Variants in COX11 observed in about 807,000 individuals in gnomAD.
COX11 encodes cytochrome c oxidase assembly protein COX11, mitochondrial.
COX11 carries 18 observed loss-of-function variants against 29.4 expected under a neutral mutation model. The observed-to-expected ratio is 0.61, with a 90% confidence interval of 0.42 to 0.91. The LOEUF (loss-of-function observed/expected upper bound fraction) is 0.91, where lower values mean the gene tolerates loss of function less well. COX11 is among the 40% of genes least tolerant of loss of function. The pLI, the probability that COX11 is intolerant of heterozygous loss-of-function variation, is 0.00. For missense variants in COX11, 312 were observed against 346.0 expected, an observed-to-expected ratio of 0.90 and a Z score of 0.78; for synonymous variants, 131 against 124.0, an observed-to-expected ratio of 1.06 and a Z score of -0.38.
downstream of COX11, among the ~76,000 whole-genome samples, chr17:54,960,321 C>T (rs2077085486): frequency 6.6e-6 from 1 of 152,014 alleles, no homozygotes; most frequent in South Asian, 2.1e-4. Flanking sequence ...GCCAAGAAAG[C>T]ACCATTGCAC....
intron 1 of COX11, among the ~76,000 whole-genome samples, chr17:54,965,780 G>A (rs1043316086): frequency 6.7e-5 from 10 of 150,320 alleles, no homozygotes; most frequent in Admixed American, 1.3e-4. Flanking sequence ...GCAGTGAGCC[G>A]AGATCACACC....
At chr17:54,963,552 G>A in intron 2 of COX11, 121 bp from the exon 3 acceptor site, 11 of 933,230 alleles carry the variant, frequency 1.2e-5, no homozygotes, top group South Asian at 9.1e-5. Context: ...TCTAATGTAG[G>A]GTTCAGCAAA....
intron 3 of COX11, 184 bp downstream of exon 3, chr17:54,963,122 G>T: frequency 2.5e-6 from 2 of 785,948 alleles, no homozygotes; most frequent in Non-Finnish European, 4.0e-6. Context: ...AATCTTAAAA[G>T]CAGATATCCA....
intron 1 of COX11, 77 bp from the exon 2 acceptor site, chr17:54,964,929 C>T (rs1469064925): frequency 7.0e-7 from 1 of 1,418,536 alleles, no homozygotes; most frequent in South Asian, 1.2e-5. Context: ...AGTTTAAAAA[C>T]AATGTAGTAT....
At chr17:54,959,703 C>T (rs1051522541), downstream of COX11, among the ~76,000 whole-genome samples, 7 of 151,140 alleles carry the variant, frequency 4.6e-5, no homozygotes, top group Admixed American at 1.3e-4. Flanking sequence ...CTGCAATCTC[C>T]GCCTCCTAGG....
chr17:54,956,800 CAT>C (rs1175700521), downstream of COX11: 2 of 152,066 alleles, frequency 1.3e-5, no homozygotes, highest in Admixed American at 6.6e-5. Flanking sequence ...AAGCACCGGG[CAT>C]AGTCTCCAAA....
chr17:54,953,781 T>C (rs1036109627), exon 1 of COX11: 7 of 152,128 alleles, frequency 4.6e-5, no homozygotes, highest in African/African-American at 1.7e-4. Flanking sequence ...TGTCTACCAG[T>C]TGGAAAGGGG....
At chr17:54,964,256 C>A (rs2077181608) in intron 2 of COX11, among the ~76,000 whole-genome samples, 1 of 152,032 alleles carries the variant, frequency 6.6e-6, no homozygotes. Context: ...ATTTCAAAGG[C>A]CCTCAATTTG....
rs2077149470 is a variant in COX11 at position 54,962,627 on chromosome 17, T to G, written c.*106A>C. 1 of 1,405,288 alleles carries G rather than the reference T, an allele frequency of 7.1e-7. No individual in the cohort carries two copies. Among genetic ancestry groups the G allele is most frequent in the African/African-American group, 1.5e-5 (1 of 67,228 alleles). 87.1% of individuals were successfully genotyped at this position (1,405,288 alleles called of 1,614,324 possible). ...AATTAGTTGAGAAAAAATAATTATT[T>G]AAAATATAAGCCTTCATATTATTGT... On this transcript the variant is annotated 3_prime_UTR_variant, in exon 4 of 4. Coordinates refer to ENST00000299335, the MANE Select transcript of COX11 (RefSeq NM_004375.5).
exon 1 of COX11, chr17:54,954,188 G>T (rs1256723580): frequency 1.3e-5 from 2 of 152,224 alleles, no homozygotes; most frequent in African/African-American, 4.8e-5. Flanking sequence ...CATGGTGGCA[G>T]ATTTATCTTC....
chr17:54,952,249 CAGAATT>C (rs1339853147), exon 1 of COX11: 2 of 152,058 alleles, frequency 1.3e-5, no homozygotes, highest in East Asian at 3.9e-4. Context: ...ACTTCTCAAA[CAGAATT>C]AGAAGTATGG....
intron 2 of COX11, among the ~76,000 whole-genome samples, 169 bp from the exon 3 acceptor site, chr17:54,963,600 TA>T (rs2077169127): frequency 6.6e-6 from 1 of 152,088 alleles, no homozygotes; most frequent in Non-Finnish European, 1.5e-5. Flanking sequence ...TATCTGAGTT[TA>T]AAAACTTACT....
upstream of COX11, chr17:54,968,712 C>A (rs1379082568): frequency 4.6e-5 from 71 of 1,531,096 alleles, no homozygotes; most frequent in Non-Finnish European, 6.1e-5. Context: ...AGGCGTGCTC[C>A]GTCTCGCGAG....
At chr17:54,953,972 A>G (rs993455942) in exon 1 of COX11, 12 of 152,064 alleles carry the variant, frequency 7.9e-5, no homozygotes, top group South Asian at 2.1e-4. Context: ...GCCTTGTTCT[A>G]TTTCTCTGAG....
rs2077164862 is a variant in COX11 at position 54,963,380 on chromosome 17, CAGT to C, written c.571_573del (p.Thr191del). The C allele has an allele frequency of 3.1e-6, 5 of 1,612,284 alleles. No individual in the cohort carries two copies. Among genetic ancestry groups the C allele is most frequent in the African/African-American group, 2.7e-5 (2 of 74,848 alleles). ...GTAGAAATTCCAATTACTGGTTTGT[CAGT>C]AGGATTCTTAGCTCTGTAAAACGCC... On this transcript the variant is annotated inframe_deletion, in exon 3 of 4. Transcript: ENST00000299335.
Position 54,961,517 on chromosome 17 carries a change from A to G in COX11, c.*1216T>C. 1.4e-6 allele frequency: 2 copies of G among 1,409,810 alleles called. No homozygotes were observed. Among genetic ancestry groups the G allele is most frequent in the Non-Finnish European group, 1.8e-6 (2 of 1,085,922 alleles). 87.3% of individuals were successfully genotyped at this position (1,409,810 alleles called of 1,614,324 possible). On this transcript the variant is annotated 3_prime_UTR_variant, in exon 4 of 4. Coordinates refer to ENST00000299335, the MANE Select transcript of COX11 (RefSeq NM_004375.5). Reference sequence around the variant, plus strand: ...TCCTTAGGCCAACCAATTTAACTGCAGTGTCATGTTTCACAGGCCTTCCTA... The same window carrying G: ...TCCTTAGGCCAACCAATTTAACTGCGGTGTCATGTTTCACAGGCCTTCCTA...
chr17:54,968,143 G>A, intron 1 of COX11, 138 bp downstream of exon 1: 8 of 1,362,644 alleles, frequency 5.9e-6, no homozygotes, highest in Admixed American at 2.4e-5. Flanking sequence ...TGACTGTTTT[G>A]AACCTCTCTC....
intron 2 of COX11, 97 bp from the exon 3 acceptor site, chr17:54,963,528 A>G: frequency 8.7e-7 from 1 of 1,147,574 alleles, no homozygotes; most frequent in Non-Finnish European, 1.2e-6. Context: ...TATTCATCAG[A>G]CCATAATACC....
downstream of COX11, among the ~76,000 whole-genome samples, chr17:54,959,724 C>A (rs1449668448): frequency 2.0e-5 from 3 of 151,130 alleles, no homozygotes; most frequent in Non-Finnish European, 4.4e-5. Context: ...CTCCAGTGAT[C>A]CTCCGACCTC....
Sources: allele counts gnomAD v4.1 joint callset (sites outside exome capture counted in the v4.1 genomes callset), GRCh38; gene constraint gnomAD v4.1.1; transcripts MANE v1.5; gene names NCBI Gene and HGNC (gene_info 2026-07-23, HGNC 2026-07-21).